The following AFG1L variants were observed in gnomAD, a reference collection of about 807,000 sequenced individuals.
The protein encoded by AFG1L is AFG1 like ATPase.
Under a neutral mutation model 62.2 loss-of-function variants are expected in AFG1L, and 53 were observed. The observed-to-expected ratio is 0.85, with a 90% CI of 0.68 to 1.07. The LOEUF (loss-of-function observed/expected upper bound fraction) is 1.07, where lower values mean the gene tolerates loss of function less well. AFG1L is among the 50% of genes least tolerant of loss of function. AFG1L has a pLI of 0.00. For synonymous variants in AFG1L, 228 were observed against 210.3 expected (o/e 1.08, Z -0.73); for missense variants, 555 against 590.5 (o/e 0.94, Z 0.62).
chr6:108,374,412 A>G (rs1780150494), intron 6 of AFG1L, among the ~76,000 whole-genome samples: 1 of 152,152 alleles, frequency 6.6e-6, no homozygotes, highest in Admixed American at 6.5e-5. Flanking sequence ...TTGTTTCCCA[A>G]GACTGATATT....
intron 11 of AFG1L, among the ~76,000 whole-genome samples, chr6:108,516,027 C>T (rs570025376): frequency 5.2e-4 from 79 of 152,106 alleles, no homozygotes; most frequent in Non-Finnish European, 9.3e-4. Flanking sequence ...CCAACCAAAA[C>T]GAGTCCAGGA....
intron 10 of AFG1L, among the ~76,000 whole-genome samples, chr6:108,477,499 G>A (rs1473390161): frequency 6.6e-6 from 1 of 152,162 alleles, no homozygotes; most frequent in Non-Finnish European, 1.5e-5. Flanking sequence ...GGGCTCTAAT[G>A]CAAAATTAGA....
intron 8 of AFG1L, among the ~76,000 whole-genome samples, chr6:108,455,173 A>G (rs567021904): frequency 1.3e-4 from 20 of 152,328 alleles, no homozygotes; most frequent in African/African-American, 4.8e-4. Context: ...AAATGAAAAT[A>G]TTTACAGATG....
At position 108,366,225 on chromosome 6, in the gene AFG1L, G is replaced by T; in HGVS notation, c.649-8G>T. The T allele has an allele frequency of 1.3e-6, 2 of 1,562,326 alleles. No homozygotes were observed. Among genetic ancestry groups the T allele is most frequent in the South Asian group, 1.1e-5 (1 of 88,604 alleles). On this transcript the variant is annotated splice_polypyrimidine_tract_variant and splice_region_variant and intron_variant, in intron 5 of 12. Transcript: ENST00000368977. ...ATTAAAATAAAACAAATGTGTTGTT[G>T]TCAATAGGTCACTGACATTGCTGAT... is the stretch of plus-strand genomic sequence containing the variant.
chr6:108,381,074 G>A (rs1488901714), intron 6 of AFG1L, among the ~76,000 whole-genome samples: 1 of 152,148 alleles, frequency 6.6e-6, no homozygotes. Context: ...GCTGAAAGCC[G>A]CTAATCCACC....
chr6:108,327,169 T>C (rs1239649379), intron 2 of AFG1L, among the ~76,000 whole-genome samples: 1 of 152,250 alleles, frequency 6.6e-6, no homozygotes, highest in Non-Finnish European at 1.5e-5. Flanking sequence ...ATTAATTTTA[T>C]TTTTATGTAA....
intron 7 of AFG1L, among the ~76,000 whole-genome samples, chr6:108,429,185 T>C (rs1208169909): frequency 2.0e-5 from 3 of 152,224 alleles, no homozygotes; most frequent in Non-Finnish European, 4.4e-5. Flanking sequence ...CCCCAACTTA[T>C]ATTTTTATAT....
chr6:108,316,126 A>G (rs1218920767), intron 1 of AFG1L, among the ~76,000 whole-genome samples: 1 of 151,964 alleles, frequency 6.6e-6, no homozygotes, highest in Non-Finnish European at 1.5e-5. Flanking sequence ...TGACGCCTGT[A>G]ATCCCAGCAC....
chr6:108,385,813 C>A (rs1780737563), intron 6 of AFG1L, among the ~76,000 whole-genome samples: 1 of 152,118 alleles, frequency 6.6e-6, no homozygotes, highest in African/African-American at 2.4e-5. Context: ...GAATCTTATT[C>A]TAGAACTTCC....
At chr6:108,479,650 G>A (rs1468080950) in intron 10 of AFG1L, among the ~76,000 whole-genome samples, 1 of 152,158 alleles carries the variant, frequency 6.6e-6, no homozygotes, top group African/African-American at 2.4e-5. Context: ...GAGGACAATT[G>A]AAATCCCTCA....
intron 5 of AFG1L, among the ~76,000 whole-genome samples, chr6:108,358,230 T>C (rs1582431648): frequency 6.6e-6 from 1 of 152,350 alleles, no homozygotes; most frequent in East Asian, 1.9e-4. Flanking sequence ...TTTCCATTAC[T>C]AGCCTTTTAA....
intron 2 of AFG1L, among the ~76,000 whole-genome samples, chr6:108,327,814 C>T (rs1246813073): frequency 6.6e-6 from 1 of 152,194 alleles, no homozygotes; most frequent in Non-Finnish European, 1.5e-5. Context: ...AGTTTAAATT[C>T]CTGAGTAAGG....
intron 2 of AFG1L, among the ~76,000 whole-genome samples, chr6:108,346,148 A>G (rs551889719): frequency 1.1e-3 from 165 of 152,026 alleles, no homozygotes; most frequent in African/African-American, 3.9e-3. Flanking sequence ...CATTTTTTCC[A>G]ATTTCCTTTT....
chr6:108,306,272 C>T (rs1316357853), intron 1 of AFG1L, among the ~76,000 whole-genome samples: 2 of 152,176 alleles, frequency 1.3e-5, no homozygotes. Context: ...TATAGTCAAA[C>T]AATGTTAGAC....
intron 10 of AFG1L, among the ~76,000 whole-genome samples, chr6:108,503,749 A>G (rs1774293662): frequency 6.6e-6 from 1 of 152,240 alleles, no homozygotes; most frequent in African/African-American, 2.4e-5. Flanking sequence ...CCCTCTAGCT[A>G]TGAAAGTCAC....
At chr6:108,342,129 C>A (rs1778704885) in intron 2 of AFG1L, among the ~76,000 whole-genome samples, 1 of 152,124 alleles carries the variant, frequency 6.6e-6, no homozygotes, top group Non-Finnish European at 1.5e-5. Context: ...TGCAGCTCTA[C>A]TGGGACACAG....
Position 108,447,232 on chromosome 6 carries a change from C to T in AFG1L, c.826C>T (p.Gln276Ter), listed in dbSNP as rs935530513. The T allele has an allele frequency of 1.9e-6, 3 of 1,601,250 alleles. No homozygotes were observed. The highest frequency in any genetic ancestry group is 1.7e-5 in the Admixed American group (1 of 59,864). Residue 276 changes from glutamine (Q) to a stop codon, truncating the protein, a stop_gained, in exon 8 of 13, where the codon CAG becomes TAG. Transcript: ENST00000368977. LOFTEE classifies it high-confidence loss of function. ...ATTGTAGGAATATTGTAATACAGTC[C>T]AGCTAGATTCTGGGATAGATTACCG... The part of the protein sequence containing the change: ...AVLKEYCNTV[Q>*]LDSGIDYRKR...
At chr6:108,467,247 T>TA (rs1167693257) in intron 8 of AFG1L, among the ~76,000 whole-genome samples, 4 of 147,942 alleles carry the variant, frequency 2.7e-5, no homozygotes, top group Non-Finnish European at 5.9e-5. Flanking sequence ...TTGAGGTACT[T>TA]ACTTTTTTTT....
intron 2 of AFG1L, 71 bp from the exon 3 acceptor site, chr6:108,346,917 G>A: frequency 3.4e-6 from 4 of 1,167,950 alleles, no homozygotes; most frequent in Non-Finnish European, 5.1e-6. Flanking sequence ...AGGACAGTTA[G>A]GAAGACTATG....
Sources: gnomAD v4.1 joint callset for allele counts (sites outside exome capture counted in the v4.1 genomes callset) on GRCh38, gnomAD v4.1.1 for gene constraint, MANE v1.5 for transcripts, NCBI Gene and HGNC (gene_info 2026-07-23, HGNC 2026-07-21) for gene names.